Variants in NINL observed in about 807,000 individuals in gnomAD.
NINL encodes ninein-like protein.
A neutral mutation model predicts 160.3 loss-of-function variants in NINL; 153 were observed. The ratio of observed to expected loss-of-function variants is 0.95; its 90% CI spans 0.84 to 1.09. NINL has a LOEUF of 1.09. Ranked by LOEUF, NINL falls within the 50% of genes least tolerant of loss-of-function variation. The pLI, the probability that NINL is intolerant of heterozygous loss-of-function variation, is 0.00. For missense variants in NINL, 1,829 were observed against 1,764.0 expected (o/e 1.04, Z -0.66); for synonymous variants, 800 against 734.8 (o/e 1.09, Z -1.43).
At chr20:25,484,678 T>C (rs1382435253) in intron 13 of NINL, among the ~76,000 whole-genome samples, 1 of 152,214 alleles carries the variant, frequency 6.6e-6, no homozygotes, top group Non-Finnish European at 1.5e-5. Context: ...AGGATTTCTC[T>C]AGCTTGAGTA....
chr20:25,492,605 C>T (rs1290612932), intron 10 of NINL, among the ~76,000 whole-genome samples: 1 of 152,084 alleles, frequency 6.6e-6, no homozygotes, highest in East Asian at 1.9e-4. Flanking sequence ...GCACCCACCA[C>T]CATGCCCGGC....
chr20:25,468,356 C>G (rs1005404839), intron 18 of NINL, among the ~76,000 whole-genome samples: 1 of 150,988 alleles, frequency 6.6e-6, no homozygotes, highest in Non-Finnish European at 1.5e-5. Flanking sequence ...CCTCCCTGTC[C>G]CCACTGACTC....
intron 9 of NINL, 55 bp from the exon 10 acceptor site, chr20:25,496,858 C>T: frequency 6.3e-7 from 1 of 1,599,284 alleles, no homozygotes; most frequent in Non-Finnish European, 8.5e-7. Flanking sequence ...CCTGACCCGC[C>T]ATGCCAGGTG....
chr20:25,508,852 C>T (rs1224945781), intron 5 of NINL, among the ~76,000 whole-genome samples: 2 of 152,032 alleles, frequency 1.3e-5, no homozygotes, highest in Non-Finnish European at 2.9e-5. Context: ...CTAAGGATCC[C>T]GCAGTTTGCT....
intron 1 of NINL, among the ~76,000 whole-genome samples, chr20:25,527,488 T>A (rs551902620): frequency 6.6e-6 from 1 of 152,180 alleles, no homozygotes; most frequent in South Asian, 2.1e-4. Flanking sequence ...ACAAATGTAG[T>A]TTTTTTCCTT....
intron 1 of NINL, among the ~76,000 whole-genome samples, chr20:25,558,053 A>C (rs1333158993): frequency 6.6e-6 from 1 of 152,090 alleles, no homozygotes; most frequent in African/African-American, 2.4e-5. Context: ...AAGCAGAAGA[A>C]TCACCTGAAG....
chr20:25,574,992 AC>A (rs2065097768), intron 1 of NINL, among the ~76,000 whole-genome samples: 1 of 151,940 alleles, frequency 6.6e-6, no homozygotes, highest in Non-Finnish European at 1.5e-5. Context: ...TTTTAAATGT[AC>A]CCCCAAGTCA....
At chr20:25,530,402 C>T (rs1426947825) in intron 1 of NINL, among the ~76,000 whole-genome samples, 2 of 152,124 alleles carry the variant, frequency 1.3e-5, no homozygotes, top group South Asian at 2.1e-4. Flanking sequence ...AGGGCTGTAA[C>T]ATCATGTATC....
At chr20:25,497,469 C>T (rs1034434246) in intron 9 of NINL, among the ~76,000 whole-genome samples, 3 of 152,332 alleles carry the variant, frequency 2.0e-5, no homozygotes, top group South Asian at 2.1e-4. Context: ...AGGCCAGAGG[C>T]GGCTCCGCTG....
intron 16 of NINL, among the ~76,000 whole-genome samples, chr20:25,477,657 T>A (rs1050028227): frequency 2.0e-5 from 3 of 152,092 alleles, no homozygotes; most frequent in African/African-American, 7.2e-5. Flanking sequence ...AGCAAGGAAG[T>A]GGTTGGAGGG....
intron 1 of NINL, among the ~76,000 whole-genome samples, chr20:25,531,020 T>C (rs2064449369): frequency 2.6e-5 from 4 of 151,434 alleles, no homozygotes; most frequent in Admixed American, 2.0e-4. Flanking sequence ...ATTTCATCCC[T>C]ACAGCTCAGC....
In NINL at chr20:25,517,994, T is replaced by C. The variant is rs533912765; in HGVS notation, c.181-145A>G. On this transcript the variant is annotated intron_variant, in intron 2 of 23. Transcript: ENST00000278886. ...AACATTCACGTTTTCAAATATTTAC[T>C]TAAGATTTTTAAAAACAGAAGAGCA... 4 of 533,034 alleles carry C rather than the reference T, an allele frequency of 7.5e-6. No homozygotes were observed. In the Admixed American group the frequency reaches 1.2e-4, roughly 16 times the overall value. The allele number at this position is 533,034 out of a possible 1,614,324, so 33.0% of individuals were successfully genotyped here. A position where few individuals can be genotyped will look rare whatever the true frequency, so the allele number is the denominator to read the frequency against.
intron 21 of NINL, among the ~76,000 whole-genome samples, chr20:25,460,962 C>T (rs1248226468): frequency 2.0e-5 from 3 of 152,234 alleles, no homozygotes; most frequent in African/African-American, 7.2e-5. Context: ...GAGCCACCCC[C>T]TCCACAAGCA....
intron 1 of NINL, among the ~76,000 whole-genome samples, chr20:25,548,431 A>G (rs1005878131): frequency 5.9e-5 from 9 of 152,136 alleles, no homozygotes; most frequent in Non-Finnish European, 1.2e-4. Context: ...GATGGCCATT[A>G]CCTGAGCGTG....
At chr20:25,579,691 A>C (rs2065151820) in intron 1 of NINL, among the ~76,000 whole-genome samples, 1 of 152,152 alleles carries the variant, frequency 6.6e-6, no homozygotes, top group South Asian at 2.1e-4. Flanking sequence ...TCAGAGAGGC[A>C]CAGAAGCCAC....
At chr20:25,532,865 C>A (rs944242802) in intron 1 of NINL, among the ~76,000 whole-genome samples, 1 of 152,238 alleles carries the variant, frequency 6.6e-6, no homozygotes, top group Non-Finnish European at 1.5e-5. Flanking sequence ...GTCCTCCCCT[C>A]ACCCCAGGAA....
At chr20:25,462,637 T>G (rs901452410) in intron 19 of NINL, 96 bp from the exon 20 acceptor site, 7 of 1,073,480 alleles carry the variant, frequency 6.5e-6, no homozygotes, top group Non-Finnish European at 9.2e-6. Context: ...TTTTATTAAG[T>G]AGTCATTTGT....
Position 25,582,977 on chromosome 20 carries a change from T to C in NINL, c.-12+2478A>G, listed in dbSNP as rs897349839. Among the ~76,000 whole-genome samples, 4 of 152,074 alleles carry C rather than the reference T, an allele frequency of 2.6e-5. No individual in the cohort carries two copies. The East Asian group carries it at 5.8e-4, about 22-fold the overall frequency. ...CCTTCCTTACACCTTATGCAAAAAT[T>C]AACTCAAGATGGATTAAAGACTTAA... On this transcript the variant is annotated intron_variant, in intron 1 of 23. Transcript: ENST00000278886.
intron 1 of NINL, among the ~76,000 whole-genome samples, chr20:25,579,872 A>T (rs567397702): frequency 6.6e-6 from 1 of 152,352 alleles, no homozygotes; most frequent in African/African-American, 2.4e-5. Context: ...AGTGGCTAAA[A>T]TATCCTAACT....
Sources: allele counts gnomAD v4.1 joint callset (sites outside exome capture counted in the v4.1 genomes callset), GRCh38; gene constraint gnomAD v4.1.1; transcripts MANE v1.5; gene names NCBI Gene and HGNC (gene_info 2026-07-23, HGNC 2026-07-21).